DNAH7: variants seen among roughly 807,000 people sequenced by gnomAD.
DNAH7 encodes axonemal beta dynein heavy chain 7.
In DNAH7, 397 loss-of-function variants were observed where a neutral mutation model predicts 444.6. The ratio of observed to expected loss-of-function variants is 0.89; its 90% CI spans 0.82 to 0.97. The LOEUF is 0.97. DNAH7 is among the 50% of genes least tolerant of loss of function. The pLI is 0.00. For synonymous variants in DNAH7, 1,636 were observed against 1,624.4 expected (o/e 1.01, Z -0.17); for missense variants, 4,902 against 4,800.8 (o/e 1.02, Z -0.62).
intron 15 of DNAH7, among the ~76,000 whole-genome samples, chr2:195,979,789 C>CA (rs2125603709): frequency 6.6e-6 from 1 of 151,832 alleles, no homozygotes; most frequent in African/African-American, 2.4e-5. Flanking sequence ...ACATGACAAT[C>CA]AAAACCACAG....
chr2:196,064,713 A>T (rs1469373488), intron 1 of DNAH7, among the ~76,000 whole-genome samples: 2 of 152,222 alleles, frequency 1.3e-5, no homozygotes, highest in Non-Finnish European at 2.9e-5. Flanking sequence ...TCCTTCTGCA[A>T]CATGCTTTTT....
intron 15 of DNAH7, among the ~76,000 whole-genome samples, chr2:195,982,629 A>C (rs1217383711): frequency 6.6e-6 from 1 of 152,146 alleles, no homozygotes; most frequent in Non-Finnish European, 1.5e-5. Flanking sequence ...TACACAATGC[A>C]GTACTATTCA....
intron 61 of DNAH7, among the ~76,000 whole-genome samples, chr2:195,762,026 A>G (rs1340899098): frequency 1.3e-5 from 2 of 152,214 alleles, no homozygotes; most frequent in African/African-American, 4.8e-5. Context: ...TAACTACAAC[A>G]ACTTTTCAAG....
chr2:195,923,010 C>T (rs1050195363), intron 23 of DNAH7, among the ~76,000 whole-genome samples: 1 of 152,058 alleles, frequency 6.6e-6, no homozygotes, highest in African/African-American at 2.4e-5. Flanking sequence ...TACAAGCACG[C>T]CCCACCATGT....
At chr2:195,786,760 CTAAG>C (rs1414362701) in intron 58 of DNAH7, among the ~76,000 whole-genome samples, 4 of 152,012 alleles carry the variant, frequency 2.6e-5, no homozygotes, top group Non-Finnish European at 5.9e-5. Flanking sequence ...TTGGATCTCC[CTAAG>C]TGTTTGTGTG....
In DNAH7 at chr2:195,934,767, AT is replaced by A; in HGVS notation, c.3294del (p.Lys1098AsnfsTer9). 6.2e-7 allele frequency: 1 copy of A among 1,614,064 alleles called. No homozygotes were observed. The highest frequency in any genetic ancestry group is 8.5e-7 in the Non-Finnish European group (1 of 1,179,972). On this transcript the variant is annotated frameshift_variant, in exon 21 of 65. Coordinates refer to ENST00000312428, the MANE Select transcript of DNAH7 (RefSeq NM_018897.3). LOFTEE classifies it high-confidence loss of function. ...DPTRVQPHLK[K>X]CFEGIAKVEF... Reference sequence around the variant, plus strand: ...TCTACCTTTGCGATTCCTTCAAAACATTTCTTCAAGTGAGGTTGCACCCTGT... The same window carrying A: ...TCTACCTTTGCGATTCCTTCAAAACATTCTTCAAGTGAGGTTGCACCCTGT...
At chr2:195,896,830 CT>C (rs1702347221) in intron 29 of DNAH7, among the ~76,000 whole-genome samples, 1 of 152,150 alleles carries the variant, frequency 6.6e-6, no homozygotes, top group Admixed American at 6.5e-5. Context: ...AAGTAAAGCT[CT>C]TTTCAGAATG....
intron 17 of DNAH7, among the ~76,000 whole-genome samples, chr2:195,961,611 C>T (rs1023557270): frequency 1.3e-5 from 2 of 152,144 alleles, no homozygotes; most frequent in African/African-American, 4.8e-5. Context: ...TAGCATTCCC[C>T]TATTTCTTTT....
chr2:195,984,345 A>T (rs932233809), intron 15 of DNAH7, among the ~76,000 whole-genome samples: 66 of 152,030 alleles, frequency 4.3e-4, no homozygotes, highest in African/African-American at 1.5e-3. Flanking sequence ...TTTTTTATTT[A>T]TTTTATTTAT....
chr2:196,033,673 T>C (rs74834905), intron 5 of DNAH7, among the ~76,000 whole-genome samples: 2,410 of 152,308 alleles, frequency 0.016, 55 homozygotes, highest in African/African-American at 0.055. Flanking sequence ...TACCACATTT[T>C]TTTAATCCAT....
At position 195,881,957 on chromosome 2, in the gene DNAH7, C is replaced by A; in HGVS notation, c.5799G>T (p.Leu1933Phe). The change falls in exon 36 of 65, where the codon TTG becomes TTT. Residue 1933 changes from leucine (L) to phenylalanine (F), a missense_variant. Transcript: ENST00000312428. ...CTTTAGGAATTGGAGGAGCTTCTTT[C>A]AATTTCTTTATCCATGGTTCCCATT... is the stretch of plus-strand genomic sequence containing the variant. ...IGKWEPWIKK[L>F]KEAPPIPKDV... The A allele has an allele frequency of 6.2e-7, 1 of 1,613,854 alleles. No individual in the cohort carries two copies.
At chr2:195,976,781 GAGA>G (rs1175246998) in intron 15 of DNAH7, among the ~76,000 whole-genome samples, 3 of 145,954 alleles carry the variant, frequency 2.1e-5, no homozygotes, top group Non-Finnish European at 3.0e-5. Context: ...GAGAGAGAGA[GAGA>G]GAGACTCTCT....
intron 15 of DNAH7, among the ~76,000 whole-genome samples, chr2:195,976,743 C>CAGAGAG (rs1692212889): frequency 5.4e-5 from 1 of 18,350 alleles, no homozygotes; most frequent in Non-Finnish European, 1.8e-4. Flanking sequence ...GACAGAGAGG[C>CAGAGAG]AGACAGAGAG....
intron 8 of DNAH7, among the ~76,000 whole-genome samples, chr2:196,023,554 C>T (rs921970455): frequency 4.6e-5 from 7 of 152,302 alleles, no homozygotes; most frequent in African/African-American, 1.7e-4. Flanking sequence ...TCAGCCTTTA[C>T]GGAACTGAAG....
chr2:195,997,910 G>C (rs1285224027), intron 12 of DNAH7, among the ~76,000 whole-genome samples: 2 of 152,140 alleles, frequency 1.3e-5, no homozygotes, highest in Non-Finnish European at 2.9e-5. Flanking sequence ...TGGGGCAAGG[G>C]ACAATGGTGA....
At chr2:196,006,073 G>T (rs534094726) in intron 10 of DNAH7, among the ~76,000 whole-genome samples, 7 of 152,210 alleles carry the variant, frequency 4.6e-5, no homozygotes, top group African/African-American at 1.7e-4. Context: ...CAACACTTTG[G>T]GAGGCTGAGT....
chr2:195,883,010 G>T (rs1413713240), intron 35 of DNAH7, among the ~76,000 whole-genome samples: 1 of 151,906 alleles, frequency 6.6e-6, no homozygotes, highest in Admixed American at 6.6e-5. Flanking sequence ...TTTTTTTCGG[G>T]GTGTTAAATT....
chr2:196,004,070 C>A (rs568993418), intron 10 of DNAH7, among the ~76,000 whole-genome samples: 3 of 152,232 alleles, frequency 2.0e-5, no homozygotes, highest in Admixed American at 2.0e-4. Context: ...AGGTGAAAGT[C>A]TTTTTAGAAC....
chr2:195,744,196 G>A (rs532387801), intron 63 of DNAH7, among the ~76,000 whole-genome samples: 15 of 152,314 alleles, frequency 9.8e-5, no homozygotes, highest in Admixed American at 2.6e-4. Flanking sequence ...AAAAAACGGC[G>A]CACCAGGAGA....
Sources: gnomAD v4.1 joint callset for allele counts (sites outside exome capture counted in the v4.1 genomes callset) on GRCh38, gnomAD v4.1.1 for gene constraint, MANE v1.5 for transcripts, NCBI Gene and HGNC (gene_info 2026-07-23, HGNC 2026-07-21) for gene names.